The following CDC42BPB variants were observed in gnomAD, a reference collection of about 807,000 sequenced individuals.
CDC42BPB encodes the protein CDC42 binding protein kinase beta.
CDC42BPB carries 37 observed loss-of-function variants against 214.9 expected under a neutral mutation model. The observed-to-expected ratio is 0.17, with a 90% CI of 0.13 to 0.23. CDC42BPB has a LOEUF of 0.23. Among genes scored for constraint, CDC42BPB ranks in the 10% least tolerant of loss-of-function variants. CDC42BPB has a pLI of 1.00. For missense variants in CDC42BPB, 1,694 were observed against 2,227.0 expected, an observed-to-expected ratio of 0.76 and a Z score of 4.82; for synonymous variants, 931 against 884.0, an observed-to-expected ratio of 1.05 and a Z score of -0.94.
At chr14:102,999,430 G>A in intron 5 of CDC42BPB, 135 bp downstream of exon 5, 1 of 754,228 alleles carries the variant, frequency 1.3e-6, no homozygotes, top group Admixed American at 2.4e-5. Flanking sequence ...GGGCAAATCA[G>A]TCTGTGCTGC....
At chr14:103,030,904 T>C (rs1887332570) in intron 1 of CDC42BPB, among the ~76,000 whole-genome samples, 1 of 151,890 alleles carries the variant, frequency 6.6e-6, no homozygotes, top group South Asian at 2.1e-4. Flanking sequence ...GGAGGATGGC[T>C]TGAGCCCAGG....
intron 1 of CDC42BPB, among the ~76,000 whole-genome samples, chr14:103,035,728 T>C (rs1350905052): frequency 2.0e-5 from 3 of 151,990 alleles, no homozygotes; most frequent in Non-Finnish European, 4.4e-5. Context: ...TAGTCCCAGC[T>C]GCTCAGGAGG....
chr14:103,033,086 A>G (rs192014790), intron 1 of CDC42BPB, among the ~76,000 whole-genome samples: 1 of 152,322 alleles, frequency 6.6e-6, no homozygotes, highest in East Asian at 1.9e-4. Flanking sequence ...ATGAGATGAC[A>G]GATTTCTGGG....
chr14:102,977,360 AAG>A (rs1893800199), intron 9 of CDC42BPB, among the ~76,000 whole-genome samples: 1 of 150,892 alleles, frequency 6.6e-6, no homozygotes, highest in South Asian at 2.1e-4. Context: ...AAAAAAAAAA[AAG>A]AAGCATGGGG....
At chr14:102,946,445 A>T in intron 28 of CDC42BPB, 23 bp downstream of exon 28, 1 of 1,611,870 alleles carries the variant, frequency 6.2e-7, no homozygotes, top group Non-Finnish European at 8.5e-7. Context: ...AGACACCTGA[A>T]GGACACAACC....
intron 18 of CDC42BPB, among the ~76,000 whole-genome samples, chr14:102,965,380 C>A: frequency 7.0e-6 from 1 of 142,862 alleles, no homozygotes; most frequent in African/African-American, 2.6e-5. Flanking sequence ...CTCATTCCTA[C>A]CTGTGATTAA....
intron 1 of CDC42BPB, among the ~76,000 whole-genome samples, chr14:103,025,040 G>A (rs1230906008): frequency 6.6e-6 from 1 of 152,032 alleles, no homozygotes; most frequent in South Asian, 2.1e-4. Context: ...ATTTCTTTGT[G>A]TCACTGCTGT....
Position 103,012,132 on chromosome 14 carries a change from T to C in CDC42BPB, c.232A>G (p.Ile78Val). ...EMQLHREDFE[I>V]IKVIGRGAFG... The stretch of plus-strand genomic sequence containing the variant: ...GCACCTCTTCCAATTACTTTAATTA[T>C]TTCAAAGTCTTCTCGATGAAGCTGC... The change falls in exon 2 of 37, where the codon ATA (isoleucine) becomes GTA (valine). Residue 78 changes from isoleucine to valine, a missense_variant. By Grantham distance (29) the Ile-to-Val change is conservative. This residue lies in a region of CDC42BPB where 225 missense variants were observed against 459.3 expected (regional missense o/e 0.49). Coordinates refer to ENST00000361246, the MANE Select transcript of CDC42BPB (RefSeq NM_006035.4). 6.2e-7 allele frequency: 1 copy of C among 1,613,632 alleles called. No homozygotes were observed. The highest frequency in any genetic ancestry group is 1.1e-5 in the South Asian group (1 of 91,066).
intron 1 of CDC42BPB, among the ~76,000 whole-genome samples, chr14:103,054,542 A>C (rs982408479): frequency 1.3e-5 from 2 of 152,242 alleles, no homozygotes; most frequent in Admixed American, 6.5e-5. Context: ...CAATCGAAAC[A>C]ACCAGGCAAT....
intron 36 of CDC42BPB, chr14:102,937,009 A>G (rs1595442151): frequency 6.6e-6 from 1 of 152,352 alleles, no homozygotes; most frequent in Non-Finnish European, 1.5e-5. Flanking sequence ...CCCTGCCTCT[A>G]TATTATTATG....
At chr14:102,986,326 AAC>A (rs1417917468) in intron 6 of CDC42BPB, 159 bp downstream of exon 6, 2 of 569,176 alleles carry the variant, frequency 3.5e-6, no homozygotes, top group Non-Finnish European at 6.2e-6. Flanking sequence ...TTATTTGGGA[AAC>A]AAAACTCCCC....
intron 1 of CDC42BPB, among the ~76,000 whole-genome samples, chr14:103,026,245 G>C (rs1043241478): frequency 6.6e-6 from 1 of 151,394 alleles, no homozygotes; most frequent in East Asian, 2.0e-4. Flanking sequence ...ACAAAAATTA[G>C]CTGGGCATGG....
At position 102,940,207 on chromosome 14, in the gene CDC42BPB, G is replaced by A. The variant is rs1250365585; in HGVS notation, c.4506+20C>T. ...CCGGGAGAAGCCCGCCCGCACAGGAGGGCACCGAGGCCGCCTTACCCTCCG... is the reference window on the plus strand; with the variant it reads ...CCGGGAGAAGCCCGCCCGCACAGGAAGGCACCGAGGCCGCCTTACCCTCCG... On this transcript the variant is annotated intron_variant, in intron 31 of 36. Coordinates refer to ENST00000361246, the MANE Select transcript of CDC42BPB (RefSeq NM_006035.4). The A allele has an allele frequency of 1.2e-6, 2 of 1,609,460 alleles. No homozygotes were observed. The highest frequency in any genetic ancestry group is 1.3e-5 in the African/African-American group (1 of 74,882).
At chr14:102,963,347 A>C in intron 19 of CDC42BPB, 192 bp from the exon 20 acceptor site, 1 of 936,972 alleles carries the variant, frequency 1.1e-6, no homozygotes, top group Non-Finnish European at 1.3e-6. Context: ...TAAACATTCA[A>C]ACAGGAATTT....
At chr14:103,043,073 T>C (rs949469793) in intron 1 of CDC42BPB, among the ~76,000 whole-genome samples, 1 of 152,174 alleles carries the variant, frequency 6.6e-6, no homozygotes. Flanking sequence ...CCTGGCCAAC[T>C]AGGCGGCCAA....
chr14:102,992,636 C>G (rs988702186), intron 5 of CDC42BPB, among the ~76,000 whole-genome samples: 24 of 152,032 alleles, frequency 1.6e-4, no homozygotes, highest in African/African-American at 5.1e-4. Context: ...TTCAGCACAT[C>G]AGAATTCAAA....
At chr14:102,978,321 G>A in intron 8 of CDC42BPB, 116 bp from the exon 9 acceptor site, 4 of 1,522,946 alleles carry the variant, frequency 2.6e-6, no homozygotes, top group Non-Finnish European at 3.5e-6. Flanking sequence ...TGTGGCCTTG[G>A]AGAATGCGGA....
intron 9 of CDC42BPB, 34 bp from the exon 10 acceptor site, chr14:102,976,083 C>T: frequency 6.3e-7 from 1 of 1,599,540 alleles, no homozygotes; most frequent in Middle Eastern, 1.7e-4. Flanking sequence ...TTTTGATCTA[C>T]TGAAAATTTA....
intron 20 of CDC42BPB, among the ~76,000 whole-genome samples, chr14:102,962,376 T>C (rs373432069): frequency 3.3e-5 from 5 of 152,244 alleles, no homozygotes; most frequent in African/African-American, 9.6e-5. Flanking sequence ...CAGCACTTTC[T>C]GTGACAGCAA....
Sources: allele counts gnomAD v4.1 joint callset (sites outside exome capture counted in the v4.1 genomes callset), GRCh38; gene constraint gnomAD v4.1.1; regional missense constraint gnomAD v4.1.1; transcripts MANE v1.5; gene names NCBI Gene and HGNC (gene_info 2026-07-23, HGNC 2026-07-21).